The following CRTC1 variants were observed in gnomAD, a reference collection of about 807,000 sequenced individuals.
The protein encoded by CRTC1 is CREB-regulated transcription coactivator 1.
A neutral mutation model predicts 66.1 loss-of-function variants in CRTC1; 18 were observed. The ratio of observed to expected loss-of-function variants is 0.27; its 90% confidence interval spans 0.19 to 0.40. The LOEUF (loss-of-function observed/expected upper bound fraction) is 0.40. Among genes scored for constraint, CRTC1 ranks in the 10% least tolerant of loss-of-function variants. The pLI is 1.00. For missense variants in CRTC1, 669 were observed against 887.9 expected (o/e 0.75, Z 3.13); for synonymous variants, 416 against 398.8 (o/e 1.04, Z -0.51).
chr19:18,754,055 T>A (rs1200230357), intron 6 of CRTC1, among the ~76,000 whole-genome samples: 1 of 149,866 alleles, frequency 6.7e-6, no homozygotes, highest in Non-Finnish European at 1.5e-5. Context: ...GAGCCGAGAT[T>A]GTGCCATTGC....
At chr19:18,747,464 C>G (rs1229035369) in intron 4 of CRTC1, among the ~76,000 whole-genome samples, 2 of 152,132 alleles carry the variant, frequency 1.3e-5, no homozygotes, top group Admixed American at 6.5e-5. Flanking sequence ...TGGTGAAACC[C>G]CGTCTCTACT....
Position 18,683,681 on chromosome 19 carries a change from AGG to A in CRTC1, c.-21_-20del. On this transcript the variant is annotated 5_prime_UTR_variant, in exon 1 of 14. Coordinates refer to ENST00000321949, the MANE Select transcript of CRTC1 (RefSeq NM_015321.3). ...GAGGAGGTGGAGGAGGAGGAGGAGGAGGAGGAGGTGGCGGCGAGAAGATGGCG... is the reference window on the plus strand; with the variant it reads ...GAGGAGGTGGAGGAGGAGGAGGAGGAAGGAGGTGGCGGCGAGAAGATGGCG... The A allele has an allele frequency of 7.3e-7, 1 of 1,372,008 alleles. No homozygotes were observed. Among genetic ancestry groups the A allele is most frequent in the African/African-American group, 1.6e-5 (1 of 64,276 alleles). 85.0% of individuals were successfully genotyped at this position (1,372,008 alleles called of 1,614,324 possible).
At chr19:18,743,561 A>C (rs1171414378) in intron 2 of CRTC1, among the ~76,000 whole-genome samples, 1 of 152,062 alleles carries the variant, frequency 6.6e-6, no homozygotes, top group African/African-American at 2.4e-5. Context: ...GGTGGGGCCG[A>C]GGGAGCTGGC....
At chr19:18,711,146 T>C (rs1196444219) in intron 1 of CRTC1, among the ~76,000 whole-genome samples, 1 of 152,164 alleles carries the variant, frequency 6.6e-6, no homozygotes, top group Non-Finnish European at 1.5e-5. Context: ...CTTGGCCACA[T>C]GCGGCATCCT....
intron 1 of CRTC1, among the ~76,000 whole-genome samples, chr19:18,687,080 A>C (rs1347457709): frequency 6.8e-6 from 1 of 147,522 alleles, no homozygotes; most frequent in Admixed American, 6.9e-5. Flanking sequence ...CAGTGGCGCA[A>C]TCTCGGCTCA....
chr19:18,708,105 T>TGGGTA (rs2053306472), intron 1 of CRTC1, among the ~76,000 whole-genome samples: 1 of 150,378 alleles, frequency 6.6e-6, no homozygotes, highest in South Asian at 2.1e-4. Context: ...GTGCAAGAGG[T>TGGGTA]GGGTAGGGAA....
At chr19:18,755,060 T>A (rs2054453579) in intron 6 of CRTC1, among the ~76,000 whole-genome samples, 1 of 151,844 alleles carries the variant, frequency 6.6e-6, no homozygotes, top group Non-Finnish European at 1.5e-5. Flanking sequence ...CTCGGCTCAC[T>A]GCAACCTCTG....
chr19:18,722,304 C>G (rs1347891116), intron 1 of CRTC1, among the ~76,000 whole-genome samples: 1 of 152,208 alleles, frequency 6.6e-6, no homozygotes, highest in Admixed American at 6.5e-5. Flanking sequence ...TCCCAGCTGG[C>G]TTCAGAGATG....
At chr19:18,766,404 G>T (rs1424603428) in intron 9 of CRTC1, among the ~76,000 whole-genome samples, 1 of 150,098 alleles carries the variant, frequency 6.7e-6, no homozygotes, top group Non-Finnish European at 1.5e-5. Context: ...CTCCAAAAGT[G>T]CTGGGATTAC....
chr19:18,750,535 G>A (rs2054340382), intron 5 of CRTC1, among the ~76,000 whole-genome samples: 1 of 152,234 alleles, frequency 6.6e-6, no homozygotes, highest in Non-Finnish European at 1.5e-5. Flanking sequence ...AAAAACTGGG[G>A]CGGTGCCATC....
intron 4 of CRTC1, among the ~76,000 whole-genome samples, 153 bp from the exon 5 acceptor site, chr19:18,749,628 A>G (rs1486935389): frequency 1.3e-5 from 2 of 152,206 alleles, no homozygotes; most frequent in Non-Finnish European, 2.9e-5. Context: ...TCTTTTTAGA[A>G]TGAGGTCCCG....
At chr19:18,714,066 C>T (rs1403141904) in intron 1 of CRTC1, among the ~76,000 whole-genome samples, 2 of 152,186 alleles carry the variant, frequency 1.3e-5, no homozygotes, top group African/African-American at 4.8e-5. Context: ...GCACACCAGG[C>T]CCCACACAAG....
chr19:18,760,252 C>G lies in CRTC1; in HGVS notation c.886+24C>G. ...GGGTAAGGCAGGGACACTCCGCCCT[C>G]GGACAGAGCACTGGCTTGTGGAGAC... On this transcript the variant is annotated intron_variant, in intron 8 of 13. Transcript: ENST00000321949. This position sits in a 1 kb window ranked among gnomAD's most constrained non-coding sequence, Gnocchi z 6.2. The G allele has an allele frequency of 6.5e-7, 1 of 1,539,964 alleles. No individual in the cohort carries two copies. The highest frequency in any genetic ancestry group is 2.4e-5 in the East Asian group (1 of 41,770).
chr19:18,770,213 T>C (rs79049278), intron 10 of CRTC1, among the ~76,000 whole-genome samples: 20,129 of 152,304 alleles, frequency 0.13, 1,463 homozygotes, highest in Middle Eastern at 0.21. Context: ...GAGAGTGGTC[T>C]GAATCCGGGG....
At position 18,768,482 on chromosome 19, in the gene CRTC1, C is replaced by T; in HGVS notation, c.1012-3C>T. Reference sequence around the variant, plus strand: ...CCCTGCCTGACGCTCTCCTCTCCTGCAGGCTGTAGCCATGGACGCCCTGTC... The same window carrying T: ...CCCTGCCTGACGCTCTCCTCTCCTGTAGGCTGTAGCCATGGACGCCCTGTC... On this transcript the variant is annotated splice_polypyrimidine_tract_variant and splice_region_variant and intron_variant, in intron 9 of 13. Coordinates refer to ENST00000321949, the MANE Select transcript of CRTC1 (RefSeq NM_015321.3). The surrounding 1 kb of genome is among the most constrained non-coding windows in gnomAD (Gnocchi z 5.6). 1.2e-6 allele frequency: 2 copies of T among 1,608,230 alleles called. No individual in the cohort carries two copies. Among genetic ancestry groups the T allele is most frequent in the Non-Finnish European group, 1.7e-6 (2 of 1,178,960 alleles).
intron 1 of CRTC1, among the ~76,000 whole-genome samples, chr19:18,722,237 T>G (rs1444316543): frequency 6.6e-6 from 1 of 152,146 alleles, no homozygotes; most frequent in Non-Finnish European, 1.5e-5. Flanking sequence ...CTGGGGCCCC[T>G]TGGCTGGGGA....
At position 18,780,102 on chromosome 19, in the gene CRTC1, A is replaced by G. The variant is rs552281858; in HGVS notation, c.*2720A>G. The G allele has an allele frequency of 2.6e-5, 6 of 231,800 alleles. No homozygotes were observed. In the East Asian group the frequency reaches 3.0e-4, roughly 12 times the overall value. 14.4% of individuals were successfully genotyped at this position (231,800 alleles called of 1,614,324 possible). A position where few individuals can be genotyped will look rare whatever the true frequency, so the allele number is the denominator to read the frequency against. On this transcript the variant is annotated 3_prime_UTR_variant, in exon 14 of 14. Transcript: ENST00000321949. ...TGCTTTGTGATGTGAAAATACTGTG[A>G]TTTGACGAGCCGCTTCCTGAGGGGC...
chr19:18,732,283 C>T (rs1222157882), intron 1 of CRTC1, among the ~76,000 whole-genome samples: 1 of 152,164 alleles, frequency 6.6e-6, no homozygotes, highest in Non-Finnish European at 1.5e-5. Flanking sequence ...GGGGGGGTCC[C>T]GATCTCTAGG....
intron 4 of CRTC1, among the ~76,000 whole-genome samples, chr19:18,748,208 TAC>T (rs1465189963): frequency 9.9e-5 from 15 of 152,190 alleles, no homozygotes; most frequent in African/African-American, 3.4e-4. Context: ...TATACATATA[TAC>T]ACACATATTT....
Sources: gnomAD v4.1 joint callset for allele counts (sites outside exome capture counted in the v4.1 genomes callset) on GRCh38, gnomAD v4.1.1 for gene constraint, Gnocchi (gnomAD v3.1) non-coding constraint, MANE v1.5 for transcripts, NCBI Gene and HGNC (gene_info 2026-07-23, HGNC 2026-07-21) for gene names.